Variants in DHX57 observed in about 807,000 individuals in gnomAD.
The protein encoded by DHX57 is putative ATP-dependent RNA helicase DHX57.
Under a neutral mutation model 156.2 loss-of-function variants are expected in DHX57, and 105 were observed. That is an observed-to-expected ratio of 0.67 (90% confidence interval 0.57 to 0.79). DHX57 has a LOEUF of 0.79. DHX57 is among the 30% of genes least tolerant of loss of function. The pLI, the probability that DHX57 is intolerant of heterozygous loss-of-function variation, is 0.00. For synonymous variants in DHX57, 704 were observed against 595.6 expected, an observed-to-expected ratio of 1.18 and a Z score of -2.65; for missense variants, 1,847 against 1,661.9, an observed-to-expected ratio of 1.11 and a Z score of -1.94.
At chr2:38,805,828 G>A (rs1669909262) in intron 22 of DHX57, among the ~76,000 whole-genome samples, 1 of 152,156 alleles carries the variant, frequency 6.6e-6, no homozygotes, top group Non-Finnish European at 1.5e-5. Context: ...CTGCAGGTCT[G>A]GAGAGACAGA....
Position 38,861,825 on chromosome 2 carries a change from A to G in DHX57, c.585T>C (p.Asn195=). 2 of 1,599,112 alleles carry G rather than the reference A, an allele frequency of 1.3e-6. No homozygotes were observed. Among genetic ancestry groups the G allele is most frequent in the African/African-American group, 1.3e-5 (1 of 74,596 alleles). ...AVQKLSRYGF[N]TERCQAVLRM... ...TCAGGACCGCTTGACAGCGTTCAGT[A>G]TTGAAACCATACCTGTCAAGGGCAA... is the stretch of plus-strand genomic sequence containing the variant. Residue 195 remains asparagine, a synonymous_variant, in exon 5 of 24, where the codon AAT becomes AAC. Coordinates refer to ENST00000457308, the MANE Select transcript of DHX57 (RefSeq NM_198963.3).
intron 21 of DHX57, 24 bp downstream of exon 21, chr2:38,813,797 G>C (rs1261425598): frequency 6.2e-7 from 1 of 1,612,148 alleles, no homozygotes; most frequent in Non-Finnish European, 8.5e-7. Context: ...AAAATGGAAA[G>C]ATCTAGGAAA....
At chr2:38,831,470 C>T (rs537719233) in intron 13 of DHX57, among the ~76,000 whole-genome samples, 2 of 152,068 alleles carry the variant, frequency 1.3e-5, no homozygotes, top group South Asian at 4.1e-4. Context: ...GCTGGGATTA[C>T]AAAATTTAGG....
intron 13 of DHX57, among the ~76,000 whole-genome samples, chr2:38,835,404 A>G (rs1199982966): frequency 6.6e-6 from 1 of 152,188 alleles, no homozygotes; most frequent in African/African-American, 2.4e-5. Flanking sequence ...CTGGTTGTAC[A>G]AGAAAGGCTG....
intron 9 of DHX57, among the ~76,000 whole-genome samples, chr2:38,850,275 A>C (rs1285093859): frequency 6.6e-6 from 1 of 152,144 alleles, no homozygotes; most frequent in Non-Finnish European, 1.5e-5. Flanking sequence ...CACTTTATCT[A>C]TAACGTTTTT....
intron 2 of DHX57, 106 bp from the exon 3 acceptor site, chr2:38,863,625 A>G (rs1365121664): frequency 1.9e-6 from 2 of 1,027,604 alleles, no homozygotes; most frequent in African/African-American, 3.2e-5. Context: ...ATTGTCAAGT[A>G]TCTTACAAAA....
chr2:38,855,297 C>T (rs1672840674), intron 7 of DHX57, 45 bp from the exon 8 acceptor site: 2 of 1,567,102 alleles, frequency 1.3e-6, no homozygotes, highest in Non-Finnish European at 1.8e-6. Context: ...TTTTCAAGGG[C>T]TAGTTAACTA....
chr2:38,811,216 C>A, intron 21 of DHX57: 1 of 493,744 alleles, frequency 2.0e-6, no homozygotes. Flanking sequence ...GGCCCTTGGA[C>A]TGGTTGTAGA....
intron 13 of DHX57, among the ~76,000 whole-genome samples, chr2:38,837,119 G>A (rs1272041416): frequency 2.6e-5 from 4 of 152,076 alleles, no homozygotes; most frequent in Non-Finnish European, 4.4e-5. Flanking sequence ...AAAGTGCTGG[G>A]ATTACAAGTG....
rs190065455 is a variant in DHX57 at position 38,809,456 on chromosome 2, G to A, written c.3682-2763C>T. Among the ~76,000 whole-genome samples, 5 of 111,002 alleles carry A rather than the reference G, an allele frequency of 4.5e-5. No individual in the cohort carries two copies. The Admixed American group carries it at 4.9e-4, about 11-fold the overall frequency. 72.8% of individuals were successfully genotyped at this position (111,002 alleles called of 152,430 possible). ...AAGTAAAAAGAGGCTATTTCTTTCTGTTTTTTTTTTTTCTTTTTTTTTTTA... is the reference window on the plus strand; with the variant it reads ...AAGTAAAAAGAGGCTATTTCTTTCTATTTTTTTTTTTTCTTTTTTTTTTTA... On this transcript the variant is annotated intron_variant, in intron 21 of 23. Coordinates refer to ENST00000457308, the MANE Select transcript of DHX57 (RefSeq NM_198963.3).
intron 16 of DHX57, 22 bp downstream of exon 16, chr2:38,825,825 A>C: frequency 6.2e-7 from 1 of 1,613,444 alleles, no homozygotes; most frequent in Non-Finnish European, 8.5e-7. Context: ...TTGGAAGCAA[A>C]ACACAAAAAA....
intron 1 of DHX57, among the ~76,000 whole-genome samples, chr2:38,873,448 G>C (rs914097993): frequency 6.6e-5 from 10 of 152,176 alleles, no homozygotes; most frequent in African/African-American, 2.4e-4. Flanking sequence ...CAAAATTGCT[G>C]ATGATTATAC....
In DHX57 at chr2:38,861,158, C is replaced by T. The variant is rs767781387; in HGVS notation, c.1252G>A (p.Glu418Lys). The T allele has an allele frequency of 6.2e-7, 1 of 1,614,074 alleles. No individual in the cohort carries two copies. The highest frequency in any genetic ancestry group is 1.3e-5 in the African/African-American group (1 of 74,930). ...GTTAGTAACTTGACTATTTCCGACT[C>T]TTCCTCTAAAAGGGTTATCAAAGAA... ...VYSLITLLEE[E>K]SEIVKLLTNT... Residue 418 changes from glutamate to lysine, a missense_variant, in exon 5 of 24, where the codon GAG becomes AAG. Transcript: ENST00000457308.
chr2:38,833,232 T>A (rs1219921494), intron 13 of DHX57, among the ~76,000 whole-genome samples: 1 of 152,102 alleles, frequency 6.6e-6, no homozygotes, highest in African/African-American at 2.4e-5. Flanking sequence ...AACCTCCGCC[T>A]CCTGGGTTCA....
intron 9 of DHX57, 173 bp downstream of exon 9, chr2:38,853,881 T>C: frequency 1.9e-6 from 1 of 534,346 alleles, no homozygotes; most frequent in Non-Finnish European, 3.3e-6. Flanking sequence ...TCCTTTTTAG[T>C]GTTACAGACC....
chr2:38,811,198 A>T, intron 21 of DHX57: 1 of 489,988 alleles, frequency 2.0e-6, no homozygotes, highest in Admixed American at 2.7e-5. Context: ...ATTCCATCAG[A>T]TCACTGCGGC....
At chr2:38,846,761 G>T (rs865929932) in intron 11 of DHX57, among the ~76,000 whole-genome samples, 1 of 151,952 alleles carries the variant, frequency 6.6e-6, no homozygotes, top group Non-Finnish European at 1.5e-5. Flanking sequence ...CTGAAATCAA[G>T]TGCAGAAAAA....
In DHX57 at chr2:38,856,462, C is replaced by T; in HGVS notation, c.1588-1G>A. On this transcript the variant is annotated splice_acceptor_variant, in intron 6 of 23. Coordinates refer to ENST00000457308, the MANE Select transcript of DHX57 (RefSeq NM_198963.3). LOFTEE classifies it high-confidence loss of function. ...GAATGGACTGGAACTGTCTGGAAGC[C>T]TAATAAAATCAAAGATAAGATATCA... is the stretch of plus-strand genomic sequence containing the variant. 1 of 1,586,410 alleles carries T rather than the reference C, an allele frequency of 6.3e-7. No individual in the cohort carries two copies.
chr2:38,813,724 T>A, intron 21 of DHX57, 97 bp downstream of exon 21: 1 of 1,402,452 alleles, frequency 7.1e-7, no homozygotes, highest in Non-Finnish European at 1.0e-6. Flanking sequence ...CATGCGTATA[T>A]ATCTCTTTAA....
Sources: gnomAD v4.1 joint callset for allele counts (sites outside exome capture counted in the v4.1 genomes callset) on GRCh38, gnomAD v4.1.1 for gene constraint, MANE v1.5 for transcripts, NCBI Gene and HGNC (gene_info 2026-07-23, HGNC 2026-07-21) for gene names.